PHF24: variants seen among roughly 807,000 people sequenced by gnomAD.
PHF24 encodes the protein Galpha inhibitory interacting protein.
In PHF24, 25 loss-of-function variants were observed where a neutral mutation model predicts 42.6. That is an observed-to-expected ratio of 0.59 (90% CI 0.43 to 0.82). The LOEUF (loss-of-function observed/expected upper bound fraction) is 0.82, where lower values mean the gene tolerates loss of function less well. Ranked by LOEUF, PHF24 falls within the 40% of genes least tolerant of loss-of-function variation. The pLI is 0.00. For missense variants in PHF24, 470 were observed against 538.1 expected (o/e 0.87, Z 1.25); for synonymous variants, 185 against 204.8 (o/e 0.90, Z 0.83).
the PHF24 span, among the ~76,000 whole-genome samples, chr9:34,891,127 C>T: frequency 1.3e-5 from 2 of 152,200 alleles, no homozygotes; most frequent in Non-Finnish European, 2.9e-5. Flanking sequence ...GGGACAGGGT[C>T]TGGGCAGCTC....
the PHF24 span, among the ~76,000 whole-genome samples, chr9:34,768,122 A>G: frequency 6.6e-6 from 1 of 152,196 alleles, no homozygotes; most frequent in Non-Finnish European, 1.5e-5. Flanking sequence ...TGCGCATACT[A>G]CATTATTTCA....
the PHF24 span, among the ~76,000 whole-genome samples, chr9:34,770,490 C>T: frequency 6.6e-6 from 1 of 152,086 alleles, no homozygotes; most frequent in Non-Finnish European, 1.5e-5. Flanking sequence ...AATATATTTT[C>T]CTTTTGACCC....
intron 1 of PHF24, among the ~76,000 whole-genome samples, chr9:34,961,826 T>C (rs1826598297): frequency 6.6e-6 from 1 of 152,252 alleles, no homozygotes; most frequent in African/African-American, 2.4e-5. Flanking sequence ...CATGTTACAG[T>C]TTATGAAGCC....
At chr9:34,680,615 G>A in the PHF24 span, among the ~76,000 whole-genome samples, 2 of 147,380 alleles carry the variant, frequency 1.4e-5, no homozygotes, top group African/African-American at 2.5e-5. Context: ...GTGAACCCGG[G>A]AGGCGGAGCT....
the PHF24 span, among the ~76,000 whole-genome samples, chr9:34,693,191 T>C: frequency 6.6e-6 from 1 of 152,212 alleles, no homozygotes; most frequent in Admixed American, 6.5e-5. Flanking sequence ...ATGATGGTTC[T>C]GGTTATTCTG....
the PHF24 span, among the ~76,000 whole-genome samples, chr9:34,897,203 C>T: frequency 6.6e-6 from 1 of 152,138 alleles, no homozygotes; most frequent in Non-Finnish European, 1.5e-5. Flanking sequence ...ATCCTTCCTC[C>T]AGCATTAGTT....
chr9:34,842,622 G>A, the PHF24 span, among the ~76,000 whole-genome samples: 82 of 152,258 alleles, frequency 5.4e-4, 1 homozygote, highest in African/African-American at 1.9e-3. Context: ...GTTCCATCTT[G>A]GAAGCAGAGA....
the PHF24 span, among the ~76,000 whole-genome samples, chr9:34,790,844 C>T: frequency 4.0e-3 from 603 of 152,148 alleles, 2 homozygotes; most frequent in African/African-American, 0.014. Context: ...GTACCTTGGG[C>T]GAAAGAAGAG....
the PHF24 span, among the ~76,000 whole-genome samples, chr9:34,693,875 C>G: frequency 1.7e-4 from 26 of 152,202 alleles, no homozygotes; most frequent in South Asian, 4.1e-4. Context: ...TTTAGCATTT[C>G]TTTGTTTGTT....
chr9:34,708,032 G>A, the PHF24 span, among the ~76,000 whole-genome samples: 1 of 152,208 alleles, frequency 6.6e-6, no homozygotes, highest in Middle Eastern at 3.4e-3. Flanking sequence ...GCCCGGCCTT[G>A]AGGTTCCTAC....
the PHF24 span, among the ~76,000 whole-genome samples, chr9:34,693,773 G>C: frequency 2.6e-5 from 4 of 152,186 alleles, no homozygotes; most frequent in Admixed American, 2.6e-4. Flanking sequence ...CGCCTGGCCT[G>C]CTATGTTGTT....
the PHF24 span, among the ~76,000 whole-genome samples, chr9:34,935,312 G>A: frequency 4.6e-5 from 7 of 152,152 alleles, no homozygotes; most frequent in East Asian, 1.9e-4. Flanking sequence ...GGAACCGGGC[G>A]CAGTGGCTCA....
chr9:34,787,434 A>G, the PHF24 span, among the ~76,000 whole-genome samples: 4 of 152,166 alleles, frequency 2.6e-5, no homozygotes. Flanking sequence ...CAGCCTGGGA[A>G]GATATTGGTG....
chr9:34,868,671 C>G, the PHF24 span, among the ~76,000 whole-genome samples: 18,718 of 152,258 alleles, frequency 0.12, 1,514 homozygotes, highest in South Asian at 0.22. Context: ...GGCTGCTCAT[C>G]AGACTTTCAC....
chr9:34,808,691 T>G, the PHF24 span, among the ~76,000 whole-genome samples: 22 of 152,060 alleles, frequency 1.4e-4, no homozygotes, highest in African/African-American at 5.1e-4. Context: ...GGGAATGCTG[T>G]TTTTCACATG....
chr9:34,776,614 G>T, the PHF24 span, among the ~76,000 whole-genome samples: 1 of 152,056 alleles, frequency 6.6e-6, no homozygotes, highest in Non-Finnish European at 1.5e-5. Context: ...TGATTTCTCT[G>T]TATTGGTTTT....
intron 1 of PHF24, among the ~76,000 whole-genome samples, chr9:34,968,626 C>T (rs1182589608): frequency 6.6e-6 from 1 of 152,176 alleles, no homozygotes; most frequent in African/African-American, 2.4e-5. Flanking sequence ...TAGGAGTTCG[C>T]ACCACTGTGG....
chr9:34,954,866 AC>A (rs1234353986), upstream of PHF24, among the ~76,000 whole-genome samples: 1 of 152,226 alleles, frequency 6.6e-6, no homozygotes, highest in Non-Finnish European at 1.5e-5. Flanking sequence ...AAAAGCAAAA[AC>A]AAAAACTTAT....
chr9:34,865,006 C>T, the PHF24 span, among the ~76,000 whole-genome samples: 1 of 151,902 alleles, frequency 6.6e-6, no homozygotes, highest in Non-Finnish European at 1.5e-5. Flanking sequence ...TGGTGAAACC[C>T]TGTCTCTACC....
Sources: gnomAD v4.1 joint callset for allele counts (sites outside exome capture counted in the v4.1 genomes callset) on GRCh38, gnomAD v4.1.1 for gene constraint, MANE v1.5 for transcripts, NCBI Gene and HGNC (gene_info 2026-07-23, HGNC 2026-07-21) for gene names.